The following RPSA2 variants were observed in gnomAD, a reference collection of about 807,000 sequenced individuals.
RPSA2 encodes the protein ribosomal protein SA 2, also known as small ribosomal subunit protein uS2B.
chr19:23,868,692 G>A, the RPSA2 span, among the ~76,000 whole-genome samples: 1 of 152,196 alleles, frequency 6.6e-6, no homozygotes, highest in Non-Finnish European at 1.5e-5. Context: ...CTGGAAGAAG[G>A]ACAATGGAAA....
At chr19:23,807,767 A>T in the RPSA2 span, 3 of 321,632 alleles carry the variant, frequency 9.3e-6, no homozygotes, top group Non-Finnish European at 1.3e-5. Flanking sequence ...CCTTGAGTCA[A>T]ATGGAAAATT....
the RPSA2 span, chr19:23,790,823 A>T: frequency 1.9e-6 from 1 of 538,766 alleles, no homozygotes; most frequent in Non-Finnish European, 3.4e-6. Flanking sequence ...GCTGGTTGGA[A>T]CTGGTGGGAA....
the RPSA2 span, among the ~76,000 whole-genome samples, chr19:23,804,406 C>T: frequency 0.26 from 39,181 of 151,070 alleles, 5,438 homozygotes; most frequent in East Asian, 0.52. Flanking sequence ...ACGGCATTCT[C>T]CTGCCTCAGC....
At chr19:23,780,218 C>T in the RPSA2 span, among the ~76,000 whole-genome samples, 1 of 152,162 alleles carries the variant, frequency 6.6e-6, no homozygotes, top group Non-Finnish European at 1.5e-5. Flanking sequence ...AGCATGTCAT[C>T]ATAGGACCCA....
At chr19:23,767,635 C>T in the RPSA2 span, among the ~76,000 whole-genome samples, 11 of 151,922 alleles carry the variant, frequency 7.2e-5, 1 homozygote, top group Middle Eastern at 0.027. Context: ...ATGGGGATGA[C>T]AGAATATTTT....
the RPSA2 span, among the ~76,000 whole-genome samples, chr19:23,846,447 T>G: frequency 6.6e-6 from 1 of 152,206 alleles, no homozygotes; most frequent in Non-Finnish European, 1.5e-5. Context: ...TTTCTCTCTT[T>G]GTTTTATAAG....
the RPSA2 span, among the ~76,000 whole-genome samples, chr19:23,800,189 C>T: frequency 6.3e-5 from 7 of 110,618 alleles, no homozygotes; most frequent in South Asian, 1.5e-3. Context: ...CCACTATGCC[C>T]GTCTTTTTTA....
chr19:23,769,518 A>G, the RPSA2 span, among the ~76,000 whole-genome samples: 1 of 152,100 alleles, frequency 6.6e-6, no homozygotes, highest in Admixed American at 6.5e-5. Flanking sequence ...TACTTTTTGT[A>G]TTTTTAGTAG....
the RPSA2 span, among the ~76,000 whole-genome samples, chr19:23,819,859 T>C: frequency 2.0e-5 from 3 of 152,202 alleles, no homozygotes; most frequent in Non-Finnish European, 4.4e-5. Flanking sequence ...TTCTGAGCTC[T>C]GTGGCCAGTA....
chr19:23,833,337 C>T, the RPSA2 span: 1 of 395,262 alleles, frequency 2.5e-6, no homozygotes, highest in Non-Finnish European at 3.6e-6. Context: ...TATAAAAAGT[C>T]CTCAATTCTT....
At chr19:23,804,069 CA>C in the RPSA2 span, among the ~76,000 whole-genome samples, 1 of 151,996 alleles carries the variant, frequency 6.6e-6, no homozygotes, top group East Asian at 1.9e-4. Context: ...ATTGAGAACA[CA>C]GTACCTGCTT....
At chr19:23,767,171 A>G in the RPSA2 span, among the ~76,000 whole-genome samples, 1 of 151,924 alleles carries the variant, frequency 6.6e-6, no homozygotes, top group Admixed American at 6.6e-5. Context: ...CGAACTCCTG[A>G]CCTCAGATTA....
the RPSA2 span, among the ~76,000 whole-genome samples, chr19:23,799,762 G>T: frequency 1.3e-5 from 2 of 151,940 alleles, no homozygotes; most frequent in Admixed American, 6.6e-5. Context: ...TCAGCAGGCA[G>T]CTGGCTTCAA....
the RPSA2 span, among the ~76,000 whole-genome samples, chr19:23,861,631 G>A: frequency 2.0e-5 from 3 of 152,034 alleles, no homozygotes; most frequent in African/African-American, 7.3e-5. Context: ...CTTTTTAAGG[G>A]CAAACAAATC....
the RPSA2 span, among the ~76,000 whole-genome samples, chr19:23,861,913 T>C: frequency 6.6e-6 from 1 of 152,232 alleles, no homozygotes; most frequent in Admixed American, 6.5e-5. Context: ...TCAGTTAGTG[T>C]TTGTTTGGTG....
the RPSA2 span, chr19:23,817,593 C>G: frequency 6.6e-6 from 1 of 152,064 alleles, no homozygotes; most frequent in Non-Finnish European, 1.5e-5. Flanking sequence ...GCAGGAGACA[C>G]CCAGTAGGTG....
chr19:23,862,501 A>T, the RPSA2 span, among the ~76,000 whole-genome samples: 1 of 151,694 alleles, frequency 6.6e-6, no homozygotes, highest in African/African-American at 2.4e-5. Flanking sequence ...TCAGTATGAT[A>T]TTGGCTGTGG....
the RPSA2 span, among the ~76,000 whole-genome samples, chr19:23,852,306 T>C: frequency 3.3e-5 from 5 of 150,978 alleles, no homozygotes; most frequent in African/African-American, 4.9e-5. Flanking sequence ...ACCAGCTCGG[T>C]TGGGGAGACC....
At chr19:23,834,437 G>A in the RPSA2 span, among the ~76,000 whole-genome samples, 2 of 151,838 alleles carry the variant, frequency 1.3e-5, no homozygotes, top group Admixed American at 6.6e-5. Flanking sequence ...TCTATGGAAA[G>A]GTAAGGACAT....
Sources: gnomAD v4.1 joint callset for allele counts (sites outside exome capture counted in the v4.1 genomes callset) on GRCh38, gnomAD v4.1.1 for gene constraint, MANE v1.5 for transcripts, NCBI Gene and HGNC (gene_info 2026-07-23, HGNC 2026-07-21) for gene names.